VWF: variants seen among roughly 807,000 people sequenced by gnomAD.
VWF encodes Factor VIII related antigen.
Under a neutral mutation model 308.6 loss-of-function variants are expected in VWF, and 176 were observed. The observed-to-expected ratio is 0.57, with a 90% CI of 0.50 to 0.65. The LOEUF is 0.65. Among genes scored for constraint, VWF ranks in the 30% least tolerant of loss-of-function variants. VWF has a pLI of 0.00. For missense variants in VWF, 3,146 were observed against 3,648.2 expected (o/e 0.86, Z 3.55); for synonymous variants, 1,385 against 1,443.4 (o/e 0.96, Z 0.92).
chr12:6,115,515 C>T (rs1945354054), intron 3 of VWF, among the ~76,000 whole-genome samples: 1 of 152,184 alleles, frequency 6.6e-6, no homozygotes, highest in South Asian at 2.1e-4. Context: ...TTTACCCTTG[C>T]CGTGTGCCAT....
chr12:6,079,339 G>T (rs533857282), intron 6 of VWF, among the ~76,000 whole-genome samples: 14 of 152,332 alleles, frequency 9.2e-5, no homozygotes, highest in African/African-American at 3.4e-4. Context: ...AGGCGCGGTG[G>T]CTCACACCTG....
intron 10 of VWF, among the ~76,000 whole-genome samples, chr12:6,069,152 G>C (rs1023937175): frequency 4.7e-4 from 72 of 152,028 alleles, no homozygotes; most frequent in African/African-American, 1.7e-3. Flanking sequence ...CACCATGCCT[G>C]GCATAAGATA....
intron 3 of VWF, among the ~76,000 whole-genome samples, chr12:6,120,305 A>G (rs1591929870): frequency 6.7e-6 from 1 of 150,292 alleles, no homozygotes; most frequent in Non-Finnish European, 1.5e-5. Context: ...TGCTTAGTCC[A>G]GTTTTTTTGT....
chr12:5,951,320 T>C (rs1258184990), intron 50 of VWF, among the ~76,000 whole-genome samples: 6 of 152,086 alleles, frequency 3.9e-5, no homozygotes, highest in African/African-American at 1.2e-4. Flanking sequence ...GAGGGGGTGA[T>C]AAACTTAGAC....
At chr12:6,010,290 AAAGT>A (rs1395088148) in intron 34 of VWF, among the ~76,000 whole-genome samples, 2 of 152,194 alleles carry the variant, frequency 1.3e-5, no homozygotes, top group Non-Finnish European at 1.5e-5. Context: ...TCTTTCCTGA[AAAGT>A]AAGAAATTTG....
intron 42 of VWF, 138 bp from the exon 43 acceptor site, chr12:5,976,398 G>A: frequency 9.1e-7 from 1 of 1,100,724 alleles, no homozygotes; most frequent in African/African-American, 1.5e-5. Flanking sequence ...CCGCCCATAT[G>A]CAGGGCTGCT....
At chr12:6,032,929 C>T (rs189841099) in intron 20 of VWF, among the ~76,000 whole-genome samples, 50 of 151,970 alleles carry the variant, frequency 3.3e-4, no homozygotes, top group Admixed American at 9.2e-4. Flanking sequence ...CACACACACG[C>T]GCTCACGCAT....
At position 5,990,868 on chromosome 12, in the gene VWF, T is replaced by TAAA. The variant is rs755717764; in HGVS notation, c.6798+948_6798+950dup. On this transcript the variant is annotated intron_variant, in intron 38 of 51. Coordinates refer to ENST00000261405, the MANE Select transcript of VWF (RefSeq NM_000552.5). ...ATACACTCAATAACTCCCATAGAGC[T>TAAA]AAAAAAAAAAAAAAAAAAAAAAAAA... Among the ~76,000 whole-genome samples the TAAA allele has an allele frequency of 7.0e-3, 220 of 31,382 alleles. 17 individuals are homozygous for TAAA. The highest frequency in any genetic ancestry group is 7.9e-3 in the Non-Finnish European group (149 of 18,950). 20.6% of individuals were successfully genotyped at this position (31,382 alleles called of 152,430 possible). A position where few individuals can be genotyped will look rare whatever the true frequency, so the allele number is the denominator to read the frequency against.
chr12:5,993,493 C>T (rs1943766941), intron 37 of VWF, among the ~76,000 whole-genome samples: 1 of 151,950 alleles, frequency 6.6e-6, no homozygotes, highest in Non-Finnish European at 1.5e-5. Flanking sequence ...GTTACACAGC[C>T]CTTTACAGAT....
At chr12:6,100,686 G>A (rs1198284799) in intron 5 of VWF, among the ~76,000 whole-genome samples, 2 of 152,164 alleles carry the variant, frequency 1.3e-5, no homozygotes, top group Non-Finnish European at 2.9e-5. Flanking sequence ...GATGGGAATT[G>A]AGCAATGAGA....
chr12:6,051,600 C>T (rs1163609604), intron 16 of VWF, among the ~76,000 whole-genome samples: 1 of 152,078 alleles, frequency 6.6e-6, no homozygotes, highest in African/African-American at 2.4e-5. Context: ...ACTGGTCTTC[C>T]CTAGTAGACT....
chr12:5,952,233 C>CGGAG (rs1943199804), intron 49 of VWF, 158 bp downstream of exon 49: 3 of 1,084,598 alleles, frequency 2.8e-6, no homozygotes, highest in Non-Finnish European at 2.8e-6. Flanking sequence ...TTTATCTCTC[C>CGGAG]GTAGGCTTTG....
Position 6,110,849 on chromosome 12 carries a change from A to T in VWF, c.323+17T>A. 4 of 1,612,672 alleles carry T rather than the reference A, an allele frequency of 2.5e-6. No homozygotes were observed. The highest frequency in any genetic ancestry group is 2.5e-6 in the Non-Finnish European group (3 of 1,178,682). ...GGATCCCTAGGGTCCTTTCTAACTC[A>T]GACATTGTTGGCTTACCTTTGGTCC... On this transcript the variant is annotated intron_variant, in intron 4 of 51. Transcript: ENST00000261405.
Position 6,020,192 on chromosome 12 carries a change from A to T in VWF, c.3675-449T>A, listed in dbSNP as rs572209819. Among the ~76,000 whole-genome samples the T allele has an allele frequency of 6.6e-6, 1 of 152,254 alleles. No homozygotes were observed. The highest frequency in any genetic ancestry group is 1.5e-5 in the Non-Finnish European group (1 of 68,044). ...GTTTGTACATGTTCTGTTGAAGATA[A>T]ATGCTTTACAGTACATATTCTAACA... On this transcript the variant is annotated intron_variant, in intron 27 of 51. Coordinates refer to ENST00000261405, the MANE Select transcript of VWF (RefSeq NM_000552.5). The surrounding 1 kb of genome is among the most constrained non-coding windows in gnomAD (Gnocchi z 4.3).
chr12:6,010,460 G>C (rs1943981669), intron 34 of VWF, among the ~76,000 whole-genome samples: 1 of 152,114 alleles, frequency 6.6e-6, no homozygotes, highest in African/African-American at 2.4e-5. Context: ...AATGTCTAAG[G>C]GGAACTTCAT....
intron 51 of VWF, 36 bp from the exon 52 acceptor site, chr12:5,949,239 T>A: frequency 6.2e-7 from 1 of 1,606,566 alleles, no homozygotes; most frequent in Non-Finnish European, 8.5e-7. Context: ...AGCTTCACAA[T>A]GGTGGGAAGT....
chr12:5,997,599 A>G (rs1301444394), intron 34 of VWF, among the ~76,000 whole-genome samples: 1 of 152,264 alleles, frequency 6.6e-6, no homozygotes, highest in African/African-American at 2.4e-5. Flanking sequence ...TCTTGTGAGA[A>G]TTAGTTGCAA....
intron 6 of VWF, among the ~76,000 whole-genome samples, chr12:6,080,634 T>G (rs921755314): frequency 6.6e-6 from 1 of 152,150 alleles, no homozygotes; most frequent in Admixed American, 6.5e-5. Context: ...GCACTAAGAC[T>G]CCAGCCCAGT....
At chr12:5,953,763 G>A (rs1439526540) in intron 47 of VWF, 169 bp from the exon 48 acceptor site, 4 of 658,826 alleles carry the variant, frequency 6.1e-6, no homozygotes, top group South Asian at 5.1e-5. Flanking sequence ...CAGTCCCCTA[G>A]GTAGCATTCC....
Sources: gnomAD v4.1 joint callset for allele counts (sites outside exome capture counted in the v4.1 genomes callset) on GRCh38, gnomAD v4.1.1 for gene constraint, Gnocchi (gnomAD v3.1) non-coding constraint, MANE v1.5 for transcripts, NCBI Gene and HGNC (gene_info 2026-07-23, HGNC 2026-07-21) for gene names.